Variants in TUBB8 observed in about 807,000 individuals in gnomAD.
TUBB8 encodes tubulin beta-8 chain.
TUBB8 carries 25 observed loss-of-function variants against 33.7 expected under a neutral mutation model. The ratio of observed to expected loss-of-function variants is 0.74; its 90% CI spans 0.54 to 1.04. The LOEUF is 1.04. Ranked by LOEUF, TUBB8 falls within the 50% of genes least tolerant of loss-of-function variation. The pLI is 0.00. For missense variants in TUBB8, 279 were observed against 608.0 expected (o/e 0.46, Z 5.69); for synonymous variants, 245 against 240.1 (o/e 1.02, Z -0.19).
chr10:60,845 G>A (rs543757739), intron 1 of TUBB8, among the ~76,000 whole-genome samples: 235 of 152,062 alleles, frequency 1.5e-3, no homozygotes, highest in African/African-American at 5.4e-3. Flanking sequence ...AACAATGATA[G>A]ACTGGATTAA....
chr10:71,179 A>C (rs568430868), intron 1 of TUBB8, among the ~76,000 whole-genome samples: 1 of 152,182 alleles, frequency 6.6e-6, no homozygotes, highest in East Asian at 1.9e-4. Context: ...CCCAGGCATC[A>C]TGGCACACAC....
downstream of TUBB8, chr10:46,753 C>T (rs1173647638): frequency 2.3e-5 from 9 of 396,140 alleles, no homozygotes; most frequent in East Asian, 2.7e-4. Context: ...CAGCCCATAC[C>T]GACCCCTCCT....
upstream of TUBB8, among the ~76,000 whole-genome samples, chr10:54,070 TA>T (rs1834500939): frequency 6.6e-6 from 1 of 152,224 alleles, no homozygotes; most frequent in Non-Finnish European, 1.5e-5. Context: ...TTAGTTTTTA[TA>T]AAATGTATAA....
At chr10:54,014 C>T (rs1474245460), upstream of TUBB8, among the ~76,000 whole-genome samples, 1 of 151,984 alleles carries the variant, frequency 6.6e-6, no homozygotes, top group Admixed American at 6.5e-5. Context: ...TATCCATCCC[C>T]TCAAGCATTT....
upstream of TUBB8, chr10:49,446 C>A: frequency 1.6e-6 from 1 of 622,570 alleles, no homozygotes. Flanking sequence ...TTGGAAAGCT[C>A]AGGTGTCCTT....
intron 1 of TUBB8, among the ~76,000 whole-genome samples, chr10:60,897 T>TA: frequency 6.6e-6 from 1 of 152,042 alleles, no homozygotes; most frequent in Non-Finnish European, 1.5e-5. Flanking sequence ...TATGCAGCCA[T>TA]AAAAAATGAT....
chr10:58,050 T>C (rs1201763042), intron 1 of TUBB8, among the ~76,000 whole-genome samples: 1 of 152,364 alleles, frequency 6.6e-6, no homozygotes, highest in African/African-American at 2.4e-5. Flanking sequence ...CTTTGGTGCT[T>C]AGACATTTTT....
chr10:54,846 C>G (rs1397013542), intron 1 of TUBB8, among the ~76,000 whole-genome samples: 1 of 152,192 alleles, frequency 6.6e-6, no homozygotes, highest in African/African-American at 2.4e-5. Flanking sequence ...GCAACCTCCA[C>G]CTCCTGGGTT....
chr10:58,017 G>A (rs1408313567), intron 1 of TUBB8, among the ~76,000 whole-genome samples: 1 of 152,224 alleles, frequency 6.6e-6, no homozygotes, highest in Non-Finnish European at 1.5e-5. Flanking sequence ...GTTGTTAGAA[G>A]CAGCCAGGCC....
intron 1 of TUBB8, among the ~76,000 whole-genome samples, chr10:71,968 A>G (rs1477461034): frequency 6.6e-5 from 10 of 152,096 alleles, no homozygotes; most frequent in African/African-American, 2.4e-4. Context: ...GCTCACACCT[A>G]TAATCCCAAT....
chr10:75,412 T>A (rs1267249032), upstream of TUBB8, among the ~76,000 whole-genome samples: 1 of 150,436 alleles, frequency 6.6e-6, no homozygotes, highest in African/African-American at 2.4e-5. Context: ...CCCACCACTT[T>A]GGGAGGCAGA....
At chr10:50,112 G>A (rs1834447372), upstream of TUBB8, 1 of 152,596 alleles carries the variant, frequency 6.6e-6, no homozygotes, top group African/African-American at 2.4e-5. Context: ...CACCTGGATA[G>A]GTTCCTCAAT....
upstream of TUBB8, among the ~76,000 whole-genome samples, chr10:75,827 T>C (rs1198857866): frequency 3.3e-5 from 5 of 151,828 alleles, no homozygotes; most frequent in Non-Finnish European, 5.9e-5. Context: ...TCCACTACGT[T>C]AACAAATAAG....
chr10:67,438 T>C (rs1437283849), intron 1 of TUBB8, among the ~76,000 whole-genome samples: 3 of 152,238 alleles, frequency 2.0e-5, no homozygotes, highest in Non-Finnish European at 4.4e-5. Flanking sequence ...TTTTTGTTTT[T>C]TCCAGAGATG....
upstream of TUBB8, among the ~76,000 whole-genome samples, chr10:74,638 A>G (rs1213165428): frequency 6.9e-6 from 1 of 145,736 alleles, no homozygotes; most frequent in African/African-American, 2.6e-5. Context: ...AAAAAAAAAA[A>G]AAAAAGAAAG....
rs1554738865 is a variant in TUBB8, at chr10:48,808, G to A, written c.162C>T (p.Ala54=). Residue 54 remains alanine (A), a synonymous_variant, in exon 2 of 4, where the codon GCC becomes GCT. Coordinates refer to ENST00000568584, the MANE Select transcript of TUBB8 (RefSeq NM_177987.3). The part of the protein sequence containing the change: ...LERINVYYNE[A]SGGRYVPRAV... ...GGGGAAGGACGGGGGTCTCACCGCTGGCCTCGTTGTAGTACACGTTGATGC... is the reference window on the plus strand; with the variant it reads ...GGGGAAGGACGGGGGTCTCACCGCTAGCCTCGTTGTAGTACACGTTGATGC... The A allele has an allele frequency of 5.0e-6, 8 of 1,611,462 alleles. No individual in the cohort carries two copies. The highest frequency in any genetic ancestry group is 1.1e-5 in the South Asian group (1 of 90,984).
intron 1 of TUBB8, among the ~76,000 whole-genome samples, chr10:64,476 C>T (rs1834643756): frequency 6.6e-6 from 1 of 151,918 alleles, no homozygotes; most frequent in Admixed American, 6.6e-5. Context: ...CCAACCCCAA[C>T]ACTAACCCCT....
chr10:49,155 T>C, intron 1 of TUBB8, 27 bp downstream of exon 1: 1 of 1,557,882 alleles, frequency 6.4e-7, no homozygotes, highest in Non-Finnish European at 8.7e-7. Flanking sequence ...AGGCCCGGGC[T>C]AGGCCCTCAG....
At chr10:71,314 C>CA (rs1378930097) in intron 1 of TUBB8, among the ~76,000 whole-genome samples, 43 of 146,910 alleles carry the variant, frequency 2.9e-4, no homozygotes, top group Admixed American at 2.4e-3. Context: ...GACTGCATCT[C>CA]AAAAAAAAAG....
Sources: gnomAD v4.1 joint callset for allele counts (sites outside exome capture counted in the v4.1 genomes callset) on GRCh38, gnomAD v4.1.1 for gene constraint, MANE v1.5 for transcripts, NCBI Gene and HGNC (gene_info 2026-07-23, HGNC 2026-07-21) for gene names.